TBCD: variants seen among roughly 807,000 people sequenced by gnomAD.
TBCD encodes tubulin-specific chaperone D.
In TBCD, 105 loss-of-function variants were observed where a neutral mutation model predicts 169.3. The observed-to-expected ratio is 0.62, with a 90% CI of 0.53 to 0.73. The LOEUF is 0.73. Ranked by LOEUF, TBCD falls within the 30% of genes least tolerant of loss-of-function variation. The pLI is 0.00. For synonymous variants in TBCD, 700 were observed against 643.9 expected, an observed-to-expected ratio of 1.09 and a Z score of -1.32; for missense variants, 1,444 against 1,600.1, an observed-to-expected ratio of 0.90 and a Z score of 1.66.
Position 82,942,810 on chromosome 17 carries a change from G to C in TBCD, c.*347G>C. 1 of 399,150 alleles carries C rather than the reference G, an allele frequency of 2.5e-6. No homozygotes were observed. Among genetic ancestry groups the C allele is most frequent in the South Asian group, 3.5e-5 (1 of 28,508 alleles). 24.7% of individuals were successfully genotyped at this position (399,150 alleles called of 1,614,324 possible). A position where few individuals can be genotyped will look rare whatever the true frequency, so the allele number is the denominator to read the frequency against. ...GTGGGCTGCACTCCTCCTGCCTGGA[G>C]ACCAGGCCCCCTTCTTGCCTGGTGC... is the stretch of plus-strand genomic sequence containing the variant. On this transcript the variant is annotated 3_prime_UTR_variant, in exon 39 of 39. Coordinates refer to ENST00000355528, the MANE Select transcript of TBCD (RefSeq NM_005993.5).
intron 13 of TBCD, among the ~76,000 whole-genome samples, chr17:82,863,221 C>T (rs1240186095): frequency 6.6e-6 from 1 of 152,224 alleles, no homozygotes; most frequent in Non-Finnish European, 1.5e-5. Flanking sequence ...TCAGCTGCTT[C>T]ACCACATTGG....
intron 13 of TBCD, chr17:82,865,664 C>T (rs904962561): frequency 1.6e-5 from 8 of 507,280 alleles, no homozygotes; most frequent in Non-Finnish European, 2.0e-5. Context: ...TTATGCCTGG[C>T]AGTGATGTTT....
At chr17:82,887,081 T>C (rs372650520) in intron 15 of TBCD, among the ~76,000 whole-genome samples, 67 of 151,392 alleles carry the variant, frequency 4.4e-4, no homozygotes, top group African/African-American at 1.5e-3. Flanking sequence ...GCCTAGAACA[T>C]TGAGCCAACC....
Position 82,853,153 on chromosome 17 carries a change from C to T in TBCD, c.1319-17071C>T, listed in dbSNP as rs551693886. ...GGAGTGCAGTGGTGTGATCATAGCT[C>T]ACTGCATCCTTGACCTCTTGGGCGC... is the stretch of plus-strand genomic sequence containing the variant. On this transcript the variant is annotated intron_variant, in intron 13 of 38. Transcript: ENST00000355528. Among the ~76,000 whole-genome samples, 241 of 151,950 alleles carry T rather than the reference C, an allele frequency of 1.6e-3. 2 individuals carry two copies. Among genetic ancestry groups the T allele is most frequent in the African/African-American group, 5.6e-3 (232 of 41,346 alleles).
intron 9 of TBCD, among the ~76,000 whole-genome samples, chr17:82,802,620 G>T (rs2050654986): frequency 6.6e-6 from 1 of 152,244 alleles, no homozygotes; most frequent in African/African-American, 2.4e-5. Context: ...TTAGTCTGAA[G>T]ACAGAACAAG....
At chr17:82,939,335 C>G in intron 36 of TBCD, 32 bp from the exon 37 acceptor site, 1 of 1,575,188 alleles carries the variant, frequency 6.3e-7, no homozygotes, top group Non-Finnish European at 8.7e-7. Flanking sequence ...GTGGCGCTTC[C>G]CTCCGGCAAA....
rs375437779 is a variant in TBCD, at chr17:82,910,807, C to G, written c.2007-951C>G. Among the ~76,000 whole-genome samples the G allele has an allele frequency of 6.6e-4, 101 of 152,334 alleles. 1 individual carries two copies. Among genetic ancestry groups the G allele is most frequent in the African/African-American group, 2.4e-3 (99 of 41,578 alleles). ...TCTTGCACTCCTGACCTGAAGCGAT[C>G]CGCCCGCCTCGGCCTTCCACAGTGC... On this transcript the variant is annotated intron_variant, in intron 22 of 38. Coordinates refer to ENST00000355528, the MANE Select transcript of TBCD (RefSeq NM_005993.5).
At chr17:82,870,789 G>C (rs2057502974) in intron 14 of TBCD, among the ~76,000 whole-genome samples, 1 of 152,276 alleles carries the variant, frequency 6.6e-6, no homozygotes, top group Admixed American at 6.5e-5. Context: ...CCCTGCGGTC[G>C]TGGGTCTTGG....
chr17:82,843,703 A>C (rs923463568), intron 13 of TBCD, among the ~76,000 whole-genome samples: 1 of 151,944 alleles, frequency 6.6e-6, no homozygotes, highest in African/African-American at 2.4e-5. Context: ...AACACTTTTC[A>C]GGCATATTCT....
intron 7 of TBCD, among the ~76,000 whole-genome samples, chr17:82,796,708 A>C (rs894830734): frequency 6.6e-6 from 1 of 152,030 alleles, no homozygotes; most frequent in African/African-American, 2.4e-5. Context: ...CTGCTTCTCC[A>C]CTCAGCGCTT....
intron 13 of TBCD, among the ~76,000 whole-genome samples, chr17:82,829,231 G>A (rs375794550): frequency 4.0e-5 from 6 of 150,648 alleles, no homozygotes; most frequent in South Asian, 2.1e-4. Context: ...AAATGTGCAC[G>A]TGCATCTGCA....
chr17:82,781,900 C>T (rs2048971236), intron 7 of TBCD, among the ~76,000 whole-genome samples, 179 bp downstream of exon 7: 1 of 152,196 alleles, frequency 6.6e-6, no homozygotes, highest in African/African-American at 2.4e-5. Context: ...CTGCCTCAGG[C>T]AGGGCTGGTT....
intron 13 of TBCD, among the ~76,000 whole-genome samples, chr17:82,867,528 G>C (rs2057259614): frequency 6.6e-6 from 1 of 152,234 alleles, no homozygotes; most frequent in Non-Finnish European, 1.5e-5. Flanking sequence ...TGTTGGCCAC[G>C]AACAGGCTGC....
In TBCD at chr17:82,758,326, GTGAGCCAAGATCGTGCCATTGTACT is replaced by G. The variant is rs1027251214; in HGVS notation, c.235+2112_235+2136del. 4.4e-5 allele frequency among the ~76,000 whole-genome samples: 6 copies of G among 136,896 alleles called. No individual in the cohort carries two copies. The Admixed American group carries it at 4.8e-4, about 11-fold the overall frequency. The allele number at this position is 136,896 out of a possible 152,430, so 89.8% of individuals were successfully genotyped here. ...CCGAACCCAGGAGGCAGAGGTTGCA[GTGAGCCAAGATCGTGCCATTGTACT>G]CCAGCCTGGGCAACAAGAACGAAAA... On this transcript the variant is annotated intron_variant, in intron 2 of 38. Coordinates refer to ENST00000355528, the MANE Select transcript of TBCD (RefSeq NM_005993.5).
intron 7 of TBCD, among the ~76,000 whole-genome samples, chr17:82,796,732 A>G (rs1025841519): frequency 7.9e-5 from 12 of 152,202 alleles, no homozygotes; most frequent in African/African-American, 1.4e-4. Context: ...AGAGCCCCCC[A>G]GCGGGCTCCA....
In TBCD at chr17:82,874,065, G is replaced by A. The variant is rs1345014483; in HGVS notation, c.1475+3685G>A. ...GCCACGTGTGGACCGGCACGGGCAT[G>A]GTCGTGGTCTGCCCAGCTGGGTGTG... On this transcript the variant is annotated intron_variant, in intron 14 of 38. Transcript: ENST00000355528. This position sits in a 1 kb window ranked among gnomAD's most constrained non-coding sequence, Gnocchi z 5.0. Among the ~76,000 whole-genome samples the A allele has an allele frequency of 6.6e-6, 1 of 152,236 alleles. No homozygotes were observed. The highest frequency in any genetic ancestry group is 1.5e-5 in the Non-Finnish European group (1 of 68,044).
At chr17:82,808,575 C>T (rs796085045) in intron 11 of TBCD, among the ~76,000 whole-genome samples, 25 of 126,182 alleles carry the variant, frequency 2.0e-4, no homozygotes, top group African/African-American at 6.5e-4. Context: ...CGGGTTGGCC[C>T]CTGCTGTGGA....
At chr17:82,854,781 A>G (rs1246581323) in intron 13 of TBCD, among the ~76,000 whole-genome samples, 1 of 151,848 alleles carries the variant, frequency 6.6e-6, no homozygotes, top group Non-Finnish European at 1.5e-5. Flanking sequence ...GACCAGAAAA[A>G]CCCTGCACAA....
chr17:82,765,689 A>G (rs1019172732), intron 3 of TBCD, among the ~76,000 whole-genome samples: 7 of 152,218 alleles, frequency 4.6e-5, no homozygotes, highest in Non-Finnish European at 8.8e-5. Flanking sequence ...GGGAAGTGTT[A>G]ATGAATTTGG....
Sources: allele counts gnomAD v4.1 joint callset (sites outside exome capture counted in the v4.1 genomes callset), GRCh38; gene constraint gnomAD v4.1.1; non-coding constraint Gnocchi (gnomAD v3.1); transcripts MANE v1.5; gene names NCBI Gene and HGNC (gene_info 2026-07-23, HGNC 2026-07-21).